VPS37A: variants seen among roughly 807,000 people sequenced by gnomAD.
The protein encoded by VPS37A is vacuolar protein sorting-associated protein 37A.
Under a neutral mutation model 49.8 loss-of-function variants are expected in VPS37A, and 30 were observed. That is an observed-to-expected ratio of 0.60 (90% CI 0.45 to 0.82). The LOEUF (loss-of-function observed/expected upper bound fraction) is 0.82. Among genes scored for constraint, VPS37A ranks in the 40% least tolerant of loss-of-function variants. VPS37A has a pLI of 0.00. For missense variants in VPS37A, 593 were observed against 464.4 expected, an observed-to-expected ratio of 1.28 and a Z score of -2.55; for synonymous variants, 195 against 160.6, an observed-to-expected ratio of 1.21 and a Z score of -1.62.
the VPS37A span, among the ~76,000 whole-genome samples, chr8:17,307,715 G>A: frequency 2.0e-5 from 3 of 152,170 alleles, no homozygotes; most frequent in Non-Finnish European, 4.4e-5. Flanking sequence ...CATAAAAAAT[G>A]ATGAGTTCAT....
the VPS37A span, chr8:17,311,861 A>T: frequency 1.9e-4 from 110 of 589,086 alleles, no homozygotes; most frequent in South Asian, 2.1e-3. Flanking sequence ...CCACCACTCA[A>T]GTCACCTCCA....
the VPS37A span, chr8:17,309,278 G>T: frequency 6.6e-7 from 1 of 1,526,712 alleles, no homozygotes. Context: ...ATTACTTACC[G>T]GTGATTAAAC....
chr8:17,328,839 G>A, the VPS37A span, among the ~76,000 whole-genome samples: 5 of 152,302 alleles, frequency 3.3e-5, no homozygotes, highest in African/African-American at 7.2e-5. Flanking sequence ...TGCTTGCTAT[G>A]TGACTGAAAG....
At chr8:17,255,848 G>GTTGCTGTAAATGACAGGATTT (rs1159978458) in intron 1 of VPS37A, among the ~76,000 whole-genome samples, 1 of 152,126 alleles carries the variant, frequency 6.6e-6, no homozygotes, top group African/African-American at 2.4e-5. Context: ...TTCCACTCAT[G>GTTGCTGTAAATGACAGGATTT]TTGCTGTAAA....
At chr8:17,331,691 A>T in the VPS37A span, among the ~76,000 whole-genome samples, 1 of 152,216 alleles carries the variant, frequency 6.6e-6, no homozygotes, top group African/African-American at 2.4e-5. Flanking sequence ...GGCTCTATAC[A>T]TTATTATATC....
the VPS37A span, chr8:17,331,021 T>C: frequency 6.2e-6 from 7 of 1,126,298 alleles, no homozygotes; most frequent in African/African-American, 7.9e-5. Context: ...AAAAAGCCAC[T>C]GTAACATGAT....
At chr8:17,293,628 C>G (rs1446966185) in intron 11 of VPS37A, among the ~76,000 whole-genome samples, 1 of 152,108 alleles carries the variant, frequency 6.6e-6, no homozygotes, top group Non-Finnish European at 1.5e-5. Flanking sequence ...TGGTGACCTT[C>G]GGATGGAATT....
chr8:17,329,404 T>C, the VPS37A span, among the ~76,000 whole-genome samples: 5 of 152,228 alleles, frequency 3.3e-5, no homozygotes, highest in Admixed American at 2.6e-4. Context: ...AAGCACCATG[T>C]TCCCTTATGA....
intron 9 of VPS37A, among the ~76,000 whole-genome samples, chr8:17,282,775 A>G (rs1815205182): frequency 6.6e-6 from 1 of 151,978 alleles, no homozygotes; most frequent in Non-Finnish European, 1.5e-5. Context: ...CAAAACAATG[A>G]TTCCTAGGCT....
chr8:17,305,890 A>G, downstream of VPS37A: 1 of 1,613,794 alleles, frequency 6.2e-7, no homozygotes, highest in Non-Finnish European at 8.5e-7. Context: ...ATTAACTGCC[A>G]AACACACTCA....
chr8:17,247,366 C>G lies in VPS37A; in HGVS notation c.122C>G (p.Ser41Cys), dbSNP rs1246455020. Residue 41 changes from serine to cysteine, a missense_variant, in exon 1 of 12, where the codon TCC (serine) becomes TGC (cysteine). Physicochemically the swap from Ser to Cys is moderately radical, Grantham distance 112. Transcript: ENST00000324849. ...RLIESLRNSH[S>C]SIAEIQKDVE... ...ATCGAGTCCCTCCGGAACTCACACT[C>G]CAGGTGACTGGTCGCTGCCTCTCCA... The G allele has an allele frequency of 2.1e-6, 3 of 1,445,520 alleles. No individual in the cohort carries two copies. The highest frequency in any genetic ancestry group is 2.8e-6 in the Non-Finnish European group (3 of 1,083,298). 89.5% of individuals were successfully genotyped at this position (1,445,520 alleles called of 1,614,324 possible).
intron 1 of VPS37A, among the ~76,000 whole-genome samples, chr8:17,253,907 A>T (rs1028110904): frequency 6.6e-6 from 1 of 152,178 alleles, no homozygotes; most frequent in Non-Finnish European, 1.5e-5. Flanking sequence ...TTTCCAAACA[A>T]CACTGAACCA....
At chr8:17,279,242 C>T (rs1563273628) in intron 6 of VPS37A, among the ~76,000 whole-genome samples, 2 of 152,044 alleles carry the variant, frequency 1.3e-5, no homozygotes, top group Non-Finnish European at 2.9e-5. Flanking sequence ...CTTGTAGAGT[C>T]TTGGGAGATT....
At chr8:17,288,549 C>T (rs550879459) in intron 11 of VPS37A, among the ~76,000 whole-genome samples, 1 of 152,164 alleles carries the variant, frequency 6.6e-6, no homozygotes, top group African/African-American at 2.4e-5. Flanking sequence ...AGGACATGAA[C>T]TCATTCTTTT....
chr8:17,293,278 G>A lies in VPS37A; in HGVS notation c.*1-1709G>A, dbSNP rs537250279. Among the ~76,000 whole-genome samples, 58 of 151,528 alleles carry A rather than the reference G, an allele frequency of 3.8e-4. 1 individual carries two copies. In the South Asian group the frequency reaches 0.01, roughly 27 times the overall value. On this transcript the variant is annotated intron_variant, in intron 11 of 11. Coordinates refer to ENST00000324849, the MANE Select transcript of VPS37A (RefSeq NM_152415.3). The stretch of plus-strand genomic sequence containing the variant: ...ACTATGTATGCTTCATGAAGTTCTC[G>A]TGCTGTGTTTTTCAGTTCCATCAGG...
chr8:17,268,343 G>A lies in VPS37A; in HGVS notation c.286G>A (p.Val96Met), dbSNP rs1006701093. The A allele has an allele frequency of 1.2e-6, 2 of 1,612,810 alleles. No individual in the cohort carries two copies. Among genetic ancestry groups the A allele is most frequent in the Non-Finnish European group, 1.7e-6 (2 of 1,179,330 alleles). Residue 96 changes from valine (V) to methionine (M), a missense_variant, in exon 3 of 12, where the codon GTG becomes ATG. Coordinates refer to ENST00000324849, the MANE Select transcript of VPS37A (RefSeq NM_152415.3). ...ACATCACTTAATGGATAAACAAGGA[G>A]TGTATGTTACCTCTCCATTAGTAAA... is the stretch of plus-strand genomic sequence containing the variant. ...IRHHLMDKQG[V>M]YVTSPLVNNF...
chr8:17,304,299 A>T, downstream of VPS37A: 1 of 1,496,234 alleles, frequency 6.7e-7, no homozygotes, highest in East Asian at 2.3e-5. Context: ...TCAGTGTCAT[A>T]CACTTTGACC....
intron 1 of VPS37A, among the ~76,000 whole-genome samples, chr8:17,255,514 G>A (rs1812362062): frequency 6.7e-6 from 1 of 148,440 alleles, no homozygotes; most frequent in Non-Finnish European, 1.5e-5. Context: ...GTGTGTATGT[G>A]TATATATGTG....
At chr8:17,317,930 T>C in the VPS37A span, among the ~76,000 whole-genome samples, 2,007 of 152,246 alleles carry the variant, frequency 0.013, 30 homozygotes, top group Non-Finnish European at 0.017. Context: ...CACTTCATTC[T>C]CATTTCAGTG....
Sources: allele counts gnomAD v4.1 joint callset (sites outside exome capture counted in the v4.1 genomes callset), GRCh38; gene constraint gnomAD v4.1.1; transcripts MANE v1.5; gene names NCBI Gene and HGNC (gene_info 2026-07-23, HGNC 2026-07-21).